YAP1: variants seen among roughly 807,000 people sequenced by gnomAD.
YAP1 encodes Yes1 associated transcriptional regulator.
YAP1 carries 5 observed loss-of-function variants against 56.9 expected under a neutral mutation model. That is an observed-to-expected ratio of 0.09 (90% CI 0.05 to 0.18). The LOEUF (loss-of-function observed/expected upper bound fraction) is 0.18, where lower values mean the gene tolerates loss of function less well. Among genes scored for constraint, YAP1 ranks in the 10% least tolerant of loss-of-function variants. The pLI is 1.00. For synonymous variants in YAP1, 265 were observed against 248.1 expected (o/e 1.07, Z -0.64); for missense variants, 539 against 651.8 (o/e 0.83, Z 1.88).
chr11:102,221,288 G>A (rs1426242230), intron 6 of YAP1, among the ~76,000 whole-genome samples: 2 of 152,156 alleles, frequency 1.3e-5, no homozygotes, highest in Non-Finnish European at 2.9e-5. Flanking sequence ...ATTTGGCCAA[G>A]TCCCTAGGTT....
chr11:102,123,105 C>T (rs1943783892), intron 2 of YAP1, among the ~76,000 whole-genome samples: 1 of 152,012 alleles, frequency 6.6e-6, no homozygotes, highest in Non-Finnish European at 1.5e-5. Context: ...TTTCTTTAAT[C>T]CTCCCATTAT....
At chr11:102,195,086 T>A (rs1365675933) in intron 4 of YAP1, among the ~76,000 whole-genome samples, 3 of 152,134 alleles carry the variant, frequency 2.0e-5, no homozygotes, top group Admixed American at 1.3e-4. Context: ...TATCTGAACT[T>A]TCTTTCCTAA....
intron 2 of YAP1, among the ~76,000 whole-genome samples, chr11:102,122,731 T>C (rs1276672057): frequency 6.6e-6 from 1 of 151,438 alleles, no homozygotes; most frequent in Non-Finnish European, 1.5e-5. Flanking sequence ...CCATCTCTAC[T>C]AAAAAATAGA....
chr11:102,205,649 TC>T (rs761084664), intron 4 of YAP1, among the ~76,000 whole-genome samples: 1 of 152,090 alleles, frequency 6.6e-6, no homozygotes, highest in Non-Finnish European at 1.5e-5. Context: ...TAGAAACTGT[TC>T]CTTATTGCAT....
chr11:102,204,628 T>G (rs965708447), intron 4 of YAP1, among the ~76,000 whole-genome samples: 6 of 152,218 alleles, frequency 3.9e-5, no homozygotes, highest in Non-Finnish European at 7.3e-5. Flanking sequence ...GCAGCCAGTC[T>G]GTTATAATGG....
chr11:102,171,061 A>G (rs113982287), intron 3 of YAP1, among the ~76,000 whole-genome samples: 2,079 of 152,240 alleles, frequency 0.014, 19 homozygotes, highest in Non-Finnish European at 0.022. Context: ...GGGCATAAAA[A>G]TAGAAGTATT....
intron 4 of YAP1, among the ~76,000 whole-genome samples, chr11:102,192,183 CT>C (rs1175274950): frequency 6.6e-6 from 1 of 152,172 alleles, no homozygotes; most frequent in African/African-American, 2.4e-5. Flanking sequence ...CAAAAATTTA[CT>C]TCCTTTCACA....
chr11:102,189,269 A>G (rs866055894), intron 4 of YAP1, among the ~76,000 whole-genome samples: 7 of 152,090 alleles, frequency 4.6e-5, no homozygotes, highest in Non-Finnish European at 8.8e-5. Context: ...ATTACTGTAT[A>G]TAATACAGTC....
chr11:102,146,579 G>T (rs113487239), intron 2 of YAP1, among the ~76,000 whole-genome samples: 1 of 152,092 alleles, frequency 6.6e-6, no homozygotes, highest in Admixed American at 6.6e-5. Context: ...CCTGTAGCTC[G>T]TACTAATAAC....
At chr11:102,122,895 C>CAATAAAAAAA (rs1943758536) in intron 2 of YAP1, among the ~76,000 whole-genome samples, 1 of 79,448 alleles carries the variant, frequency 1.3e-5, no homozygotes, top group African/African-American at 4.7e-5. Context: ...AGACTTCTCT[C>CAATAAAAAAA]AAAAAAAAAA....
At chr11:102,214,185 A>G (rs1949554856) in intron 6 of YAP1, among the ~76,000 whole-genome samples, 2 of 152,242 alleles carry the variant, frequency 1.3e-5, no homozygotes, top group South Asian at 2.1e-4. Context: ...TAGGTGGTCA[A>G]AAGTATGATA....
intron 3 of YAP1, among the ~76,000 whole-genome samples, chr11:102,179,617 A>G (rs1336668783): frequency 2.0e-5 from 3 of 152,164 alleles, no homozygotes; most frequent in Non-Finnish European, 4.4e-5. Flanking sequence ...CTTACAGGTC[A>G]CTTCCTGCCC....
chr11:102,198,228 C>T (rs1323267669), intron 4 of YAP1, among the ~76,000 whole-genome samples: 1 of 152,014 alleles, frequency 6.6e-6, no homozygotes, highest in East Asian at 1.9e-4. Flanking sequence ...TTTTCCTGTT[C>T]CGTGGTTTTG....
chr11:102,132,922 G>T (rs2135241210), intron 2 of YAP1, among the ~76,000 whole-genome samples: 2 of 152,280 alleles, frequency 1.3e-5, no homozygotes, highest in East Asian at 3.9e-4. Context: ...GCTTTGGGAG[G>T]CCGAGGCAGG....
At chr11:102,113,302 T>G (rs935344844) in intron 1 of YAP1, among the ~76,000 whole-genome samples, 2 of 152,214 alleles carry the variant, frequency 1.3e-5, no homozygotes, top group South Asian at 4.1e-4. Context: ...GTAAGTTCTT[T>G]CATATACATC....
chr11:102,172,833 A>G (rs139129983), intron 3 of YAP1, among the ~76,000 whole-genome samples: 183 of 152,240 alleles, frequency 1.2e-3, no homozygotes, highest in Admixed American at 2.1e-3. Context: ...AGAGATCTGA[A>G]TGAACTGAGA....
rs150526174 is a variant in YAP1, at chr11:102,163,570, A to G, written c.688+999A>G. ...CCGCTGCTCAGTGCCCAGGTTCAGG[A>G]CACAGATGGCAACAATAGTATGTGG... On this transcript the variant is annotated intron_variant, in intron 3 of 8. Coordinates refer to ENST00000282441, the MANE Select transcript of YAP1 (RefSeq NM_001130145.3). Among the ~76,000 whole-genome samples, 107 of 152,352 alleles carry G rather than the reference A, an allele frequency of 7.0e-4. 1 individual carries two copies. The East Asian group carries it at 0.012, about 18-fold the overall frequency.
At chr11:102,112,619 G>A (rs546781891) in intron 1 of YAP1, 2 of 985,098 alleles carry the variant, frequency 2.0e-6, no homozygotes, top group African/African-American at 3.5e-5. Context: ...ATAGTCTCCT[G>A]TCGGAGACCA....
chr11:102,114,881 A>G (rs1340025344), intron 2 of YAP1, among the ~76,000 whole-genome samples: 1 of 152,172 alleles, frequency 6.6e-6, no homozygotes, highest in Non-Finnish European at 1.5e-5. Flanking sequence ...TAAATTGTGA[A>G]ATGACAAGCA....
Sources: gnomAD v4.1 joint callset for allele counts (sites outside exome capture counted in the v4.1 genomes callset) on GRCh38, gnomAD v4.1.1 for gene constraint, MANE v1.5 for transcripts, NCBI Gene and HGNC (gene_info 2026-07-23, HGNC 2026-07-21) for gene names.